Variants in NLRC4 observed in about 807,000 individuals in gnomAD.
The protein encoded by NLRC4 is NLR family CARD domain-containing protein 4.
A neutral mutation model predicts 79.9 loss-of-function variants in NLRC4; 63 were observed. That is an observed-to-expected ratio of 0.79 (90% CI 0.64 to 0.97). The LOEUF (loss-of-function observed/expected upper bound fraction) is 0.97, where lower values mean the gene tolerates loss of function less well. Ranked by LOEUF, NLRC4 falls within the 50% of genes least tolerant of loss-of-function variation. The pLI is 0.00. For missense variants in NLRC4, 1,074 were observed against 1,215.2 expected, an observed-to-expected ratio of 0.88 and a Z score of 1.73; for synonymous variants, 461 against 456.5, an observed-to-expected ratio of 1.01 and a Z score of -0.12.
intron 1 of NLRC4, among the ~76,000 whole-genome samples, chr2:32,260,231 A>AG (rs1423782244): frequency 1.3e-5 from 2 of 151,146 alleles, no homozygotes; most frequent in Non-Finnish European, 2.9e-5. Context: ...AAAAAAAAAA[A>AG]AACAACGAAA....
chr2:32,253,662 C>A (rs980295425), intron 2 of NLRC4, among the ~76,000 whole-genome samples: 1 of 151,958 alleles, frequency 6.6e-6, no homozygotes, highest in African/African-American at 2.4e-5. Flanking sequence ...CTCTTTGAGT[C>A]TATTTCAATT....
At chr2:32,238,015 A>G in intron 6 of NLRC4, 117 bp downstream of exon 6, 1 of 709,150 alleles carries the variant, frequency 1.4e-6, no homozygotes, top group African/African-American at 1.9e-5. Flanking sequence ...AGAAGTTTTT[A>G]TTTTCCAGTT....
intron 2 of NLRC4, among the ~76,000 whole-genome samples, chr2:32,254,352 T>TG (rs1553347961): frequency 6.6e-6 from 1 of 151,670 alleles, no homozygotes; most frequent in African/African-American, 2.4e-5. Context: ...ACATTGTATC[T>TG]CCACAGACTT....
intron 3 of NLRC4, among the ~76,000 whole-genome samples, chr2:32,251,997 T>G (rs1029788220): frequency 6.6e-5 from 10 of 152,212 alleles, no homozygotes; most frequent in African/African-American, 2.2e-4. Flanking sequence ...AACAATATTT[T>G]ATGAAACATA....
intron 1 of NLRC4, among the ~76,000 whole-genome samples, chr2:32,263,309 G>T (rs1310733357): frequency 1.3e-5 from 2 of 152,140 alleles, no homozygotes; most frequent in Non-Finnish European, 2.9e-5. Flanking sequence ...TCCGAATCTT[G>T]CTTTCCAAAT....
chr2:32,265,141 A>G (rs1036790825), upstream of NLRC4, among the ~76,000 whole-genome samples: 15 of 152,066 alleles, frequency 9.9e-5, no homozygotes, highest in African/African-American at 3.1e-4. Flanking sequence ...AATGAAACAA[A>G]GTCTTCTGAA....
chr2:32,251,258 G>T lies in NLRC4; in HGVS notation c.606C>A (p.Phe202Leu), dbSNP rs1353432993. 1 of 1,614,148 alleles carries T rather than the reference G, an allele frequency of 6.2e-7. No individual in the cohort carries two copies. The change falls in exon 4 of 9, where the codon TTC (phenylalanine) becomes TTA (leucine). Residue 202 changes from phenylalanine to leucine, a missense_variant. Phe to Leu is a conservative substitution (Grantham distance 22, BLOSUM62 0). Transcript: ENST00000402280. ...CACCCTGGGCCCTGCTGAGACGGAG[G>T]AAGAAGACGAATTTGAACTTGGTCA... ...KALTKFKFVF[F>L]LRLSRAQGGL...
chr2:32,249,579 A>C (rs1206467446), intron 4 of NLRC4, 28 bp downstream of exon 4: 5 of 1,500,008 alleles, frequency 3.3e-6, no homozygotes, highest in Non-Finnish European at 4.5e-6. Context: ...TAAGTGAACA[A>C]AGCACAAACC....
At chr2:32,252,290 C>G in intron 3 of NLRC4, 129 bp downstream of exon 3, 2 of 696,692 alleles carry the variant, frequency 2.9e-6, no homozygotes, top group South Asian at 3.6e-5. Flanking sequence ...TTTTCCTTAG[C>G]AGGTATCAAA....
intron 2 of NLRC4, among the ~76,000 whole-genome samples, chr2:32,253,336 G>A (rs1009377848): frequency 3.9e-5 from 6 of 151,978 alleles, no homozygotes; most frequent in Middle Eastern, 3.4e-3. Flanking sequence ...TATTTGTAGA[G>A]ACGGGGTTTC....
At chr2:32,231,581 G>GGGT (rs1553342732) in intron 8 of NLRC4, among the ~76,000 whole-genome samples, 1 of 109,618 alleles carries the variant, frequency 9.1e-6, no homozygotes, top group Non-Finnish European at 1.8e-5. Flanking sequence ...TTGTGGGGGG[G>GGGT]GGGTGGGGGA....
rs139634304 is a variant in NLRC4 at position 32,258,664 on chromosome 2, T to G, written c.-118-1771A>C. Among the ~76,000 whole-genome samples, 4 of 152,308 alleles carry G rather than the reference T, an allele frequency of 2.6e-5. No individual in the cohort carries two copies. The East Asian group carries it at 7.7e-4, about 29-fold the overall frequency. On this transcript the variant is annotated intron_variant, in intron 1 of 8. Transcript: ENST00000402280. The stretch of plus-strand genomic sequence containing the variant: ...TATCCTATGAGCAACTGGGAGAGAT[T>G]ATGGTATAAGGAGTATGTTTAAAGT...
At position 32,245,954 on chromosome 2, in the gene NLRC4, C is replaced by T. The variant is rs191083859; in HGVS notation, c.2257+3653G>A. ...ATCCCAGCCCTTTGGGAGGCCGAGG[C>T]GGGTGGATCACCTGAGGTTGGGAGT... On this transcript the variant is annotated intron_variant, in intron 4 of 8. Coordinates refer to ENST00000402280, the MANE Select transcript of NLRC4 (RefSeq NM_001199138.2). Among the ~76,000 whole-genome samples, 98 of 152,122 alleles carry T rather than the reference C, an allele frequency of 6.4e-4. 3 individuals carry two copies. The South Asian group carries it at 0.017, about 27-fold the overall frequency.
At chr2:32,235,595 G>A (rs1318354462) in intron 7 of NLRC4, 27 bp from the exon 8 acceptor site, 1 of 1,600,542 alleles carries the variant, frequency 6.2e-7, no homozygotes, top group South Asian at 1.1e-5. Flanking sequence ...GCAGTTCAGG[G>A]ACTGGATGGT....
At chr2:32,262,559 G>T (rs1383819282) in intron 1 of NLRC4, among the ~76,000 whole-genome samples, 1 of 152,132 alleles carries the variant, frequency 6.6e-6, no homozygotes, top group East Asian at 1.9e-4. Context: ...TGGATCACCT[G>T]AAGTCAGGAG....
intron 8 of NLRC4, among the ~76,000 whole-genome samples, chr2:32,231,582 G>GC (rs1553342734): frequency 2.8e-5 from 3 of 106,678 alleles, no homozygotes; most frequent in South Asian, 3.9e-4. Context: ...TGTGGGGGGG[G>GC]GGTGGGGGAC....
Position 32,250,378 on chromosome 2 carries a change from C to T in NLRC4, c.1486G>A (p.Gly496Arg), listed in dbSNP as rs1375021467. 1.2e-6 allele frequency: 2 copies of T among 1,614,184 alleles called. No individual in the cohort carries two copies. Among genetic ancestry groups the T allele is most frequent in the Non-Finnish European group, 1.7e-6 (2 of 1,180,038 alleles). ...GCCCTGGTGGCTTCCACAGATGACC[C>T]ACAGGTGTACCGGAGCAGGCTGCTA... ...TYSSLLRYTC[G>R]SSVEATRAVM... Residue 496 changes from glycine to arginine, a missense_variant, in exon 4 of 9, where the codon GGG (glycine) becomes AGG (arginine). Coordinates refer to ENST00000402280, the MANE Select transcript of NLRC4 (RefSeq NM_001199138.2). This position sits in a 1 kb window ranked among gnomAD's most constrained non-coding sequence, Gnocchi z 4.9.
chr2:32,239,839 A>G (rs1030867728), intron 5 of NLRC4, among the ~76,000 whole-genome samples: 7 of 152,164 alleles, frequency 4.6e-5, no homozygotes, highest in African/African-American at 1.7e-4. Flanking sequence ...GAATGAGTTG[A>G]ATTAGATGCT....
In NLRC4 at chr2:32,238,227, T is replaced by C. The variant is rs937306605; in HGVS notation, c.2426A>G (p.Asp809Gly). 5 of 1,613,518 alleles carry C rather than the reference T, an allele frequency of 3.1e-6. No individual in the cohort carries two copies. The African/African-American group carries it at 5.3e-5, about 17-fold the overall frequency. The change falls in exon 6 of 9, where the codon GAT becomes GGT. Residue 809 changes from aspartate (D) to glycine (G), a missense_variant. Transcript: ENST00000402280. The stretch of plus-strand genomic sequence containing the variant: ...ACTTGACAGAGACTTGACTATGTAA[T>C]CCATTCCCTCTCCAATGTCAGACAA... ...THLSDIGEGM[D>G]YIVKSLSSEP... is the part of the protein sequence containing the mutation.
Sources: gnomAD v4.1 joint callset for allele counts (sites outside exome capture counted in the v4.1 genomes callset) on GRCh38, gnomAD v4.1.1 for gene constraint, Gnocchi (gnomAD v3.1) non-coding constraint, MANE v1.5 for transcripts, NCBI Gene and HGNC (gene_info 2026-07-23, HGNC 2026-07-21) for gene names.